Variants in RIMS2 observed in about 807,000 individuals in gnomAD.
The protein encoded by RIMS2 is regulating synaptic membrane exocytosis 2.
RIMS2 carries 59 observed loss-of-function variants against 174.4 expected under a neutral mutation model. That is an observed-to-expected ratio of 0.34 (90% CI 0.27 to 0.42). The LOEUF (loss-of-function observed/expected upper bound fraction) is 0.42. RIMS2 is among the 10% of genes least tolerant of loss of function. The pLI, the probability that RIMS2 is intolerant of heterozygous loss-of-function variation, is 1.00. For synonymous variants in RIMS2, 606 were observed against 572.5 expected, an observed-to-expected ratio of 1.06 and a Z score of -0.84; for missense variants, 1,620 against 1,666.3, an observed-to-expected ratio of 0.97 and a Z score of 0.48.
chr8:104,086,309 T>A (rs1228458133), intron 19 of RIMS2, among the ~76,000 whole-genome samples: 4 of 145,162 alleles, frequency 2.8e-5, no homozygotes, highest in African/African-American at 1.0e-4. Context: ...TAGTACATGA[T>A]AGAATGGCTT....
At chr8:104,027,238 C>T (rs1391563399) in intron 19 of RIMS2, among the ~76,000 whole-genome samples, 1 of 152,096 alleles carries the variant, frequency 6.6e-6, no homozygotes, top group Non-Finnish European at 1.5e-5. Context: ...CTTAAGATTT[C>T]CTCTCCCCAT....
intron 10 of RIMS2, among the ~76,000 whole-genome samples, chr8:103,925,106 T>C (rs1565346455): frequency 6.6e-6 from 1 of 151,598 alleles, no homozygotes; most frequent in African/African-American, 2.4e-5. Context: ...AGTTTTATAA[T>C]AGGGCGTTAT....
intron 19 of RIMS2, among the ~76,000 whole-genome samples, chr8:104,186,462 C>T (rs2136167957): frequency 6.6e-6 from 1 of 151,784 alleles, no homozygotes; most frequent in South Asian, 2.1e-4. Context: ...ATTTTCTTAG[C>T]TAAAATATTT....
chr8:103,551,680 T>G (rs1486182551), intron 1 of RIMS2, among the ~76,000 whole-genome samples: 2 of 152,226 alleles, frequency 1.3e-5, no homozygotes, highest in African/African-American at 2.4e-5. Context: ...GCAGATGATA[T>G]GATTGTATAT....
chr8:104,070,924 G>T (rs2097185198), intron 19 of RIMS2, among the ~76,000 whole-genome samples: 1 of 152,194 alleles, frequency 6.6e-6, no homozygotes, highest in Non-Finnish European at 1.5e-5. Context: ...TCAACCCTGA[G>T]CTTCCTAACA....
chr8:103,525,032 T>C (rs1471430671), intron 1 of RIMS2, among the ~76,000 whole-genome samples: 1 of 152,162 alleles, frequency 6.6e-6, no homozygotes, highest in Non-Finnish European at 1.5e-5. Flanking sequence ...ATGTAATCTT[T>C]AGAGAGGATA....
intron 2 of RIMS2, among the ~76,000 whole-genome samples, chr8:103,733,014 C>T (rs981155703): frequency 6.6e-6 from 1 of 152,108 alleles, no homozygotes; most frequent in African/African-American, 2.4e-5. Flanking sequence ...CTATTAACCA[C>T]CATAGGCTGC....
At chr8:103,976,824 G>A (rs562488793) in intron 16 of RIMS2, 3 of 152,298 alleles carry the variant, frequency 2.0e-5, no homozygotes, top group Admixed American at 2.0e-4. Context: ...GGGATTACAG[G>A]CGAGAATAAT....
At chr8:104,078,438 C>T (rs2097342592) in intron 19 of RIMS2, among the ~76,000 whole-genome samples, 1 of 152,250 alleles carries the variant, frequency 6.6e-6, no homozygotes, top group Admixed American at 6.5e-5. Context: ...CAGATGGCTG[C>T]CTTCTTGCTG....
chr8:103,781,337 A>G (rs1345841128), intron 3 of RIMS2, among the ~76,000 whole-genome samples: 3 of 152,056 alleles, frequency 2.0e-5, no homozygotes, highest in Non-Finnish European at 4.4e-5. Context: ...GAATTCTGGG[A>G]TATTGCTGAT....
At chr8:103,904,163 C>G (rs1594865793) in intron 4 of RIMS2, among the ~76,000 whole-genome samples, 2 of 152,038 alleles carry the variant, frequency 1.3e-5, no homozygotes, top group Non-Finnish European at 2.9e-5. Flanking sequence ...AGATTTTTAT[C>G]ATTTAGAGAA....
intron 1 of RIMS2, among the ~76,000 whole-genome samples, chr8:103,555,781 C>G (rs560487796): frequency 1.4e-5 from 2 of 138,270 alleles, no homozygotes; most frequent in East Asian, 4.2e-4. Flanking sequence ...GGTGTCAGAG[C>G]GAGACCCTCT....
intron 3 of RIMS2, among the ~76,000 whole-genome samples, chr8:103,863,908 G>GTTTTTTTT (rs1564980820): frequency 1.3e-5 from 1 of 74,706 alleles, no homozygotes. Context: ...TGTTTTTTTT[G>GTTTTTTTT]TTTGTTTGTT....
At chr8:103,880,676 T>C (rs149101010) in intron 3 of RIMS2, 454 of 537,028 alleles carry the variant, frequency 8.5e-4, no homozygotes, top group African/African-American at 7.8e-3. Context: ...CAGATGTGCA[T>C]TGGTTGAACA....
chr8:104,070,758 A>C (rs2154561588), intron 19 of RIMS2, among the ~76,000 whole-genome samples: 1 of 152,324 alleles, frequency 6.6e-6, no homozygotes, highest in East Asian at 1.9e-4. Context: ...AATGTAGATG[A>C]TTTATAAAAA....
At chr8:104,194,058 G>A (rs2099011416) in intron 19 of RIMS2, among the ~76,000 whole-genome samples, 1 of 152,104 alleles carries the variant, frequency 6.6e-6, no homozygotes, top group Non-Finnish European at 1.5e-5. Flanking sequence ...ATCTTCAAAT[G>A]GTCTTTTTCA....
At chr8:103,901,652 A>G (rs2073146599) in intron 4 of RIMS2, among the ~76,000 whole-genome samples, 1 of 152,176 alleles carries the variant, frequency 6.6e-6, no homozygotes, top group Admixed American at 6.6e-5. Flanking sequence ...ATTAAGATGA[A>G]TTCTAATATA....
intron 19 of RIMS2, among the ~76,000 whole-genome samples, chr8:104,219,086 A>G (rs1249941764): frequency 6.6e-6 from 1 of 152,226 alleles, no homozygotes; most frequent in African/African-American, 2.4e-5. Context: ...TACATAAATG[A>G]CATGTAACTT....
chr8:104,020,767 C>T (rs930541846), intron 19 of RIMS2, among the ~76,000 whole-genome samples: 2 of 151,754 alleles, frequency 1.3e-5, no homozygotes, highest in Non-Finnish European at 2.9e-5. Context: ...ATAAGTTAAA[C>T]AATAATATAA....
Sources: gnomAD v4.1 joint callset for allele counts (sites outside exome capture counted in the v4.1 genomes callset) on GRCh38, gnomAD v4.1.1 for gene constraint, MANE v1.5 for transcripts, NCBI Gene and HGNC (gene_info 2026-07-23, HGNC 2026-07-21) for gene names.